TBC1D5: variants seen among roughly 807,000 people sequenced by gnomAD.
TBC1D5 encodes the protein TBC1 domain family member 5.
A neutral mutation model predicts 100.3 loss-of-function variants in TBC1D5; 75 were observed. The ratio of observed to expected loss-of-function variants is 0.75; its 90% confidence interval spans 0.62 to 0.91. The LOEUF is 0.91. Among genes scored for constraint, TBC1D5 ranks in the 40% least tolerant of loss-of-function variants. The probability of loss-of-function intolerance (pLI) is 0.00; values close to 1 mark genes in which losing one functional copy is unlikely to be tolerated. For missense variants in TBC1D5, 910 were observed against 942.4 expected (o/e 0.97, Z 0.45); for synonymous variants, 323 against 325.6 (o/e 0.99, Z 0.09).
chr3:17,329,503 AT>A (rs2086616845), intron 13 of TBC1D5, among the ~76,000 whole-genome samples: 3 of 150,300 alleles, frequency 2.0e-5, no homozygotes, highest in Admixed American at 1.3e-4. Context: ...ACACAAAAAA[AT>A]AAAATAATAC....
At chr3:17,654,345 A>T (rs1043054540) in intron 1 of TBC1D5, among the ~76,000 whole-genome samples, 1 of 152,156 alleles carries the variant, frequency 6.6e-6, no homozygotes, top group East Asian at 1.9e-4. Flanking sequence ...AAAAATTTTG[A>T]TATGTAATTA....
chr3:17,457,733 C>CT (rs1450540329), intron 3 of TBC1D5, among the ~76,000 whole-genome samples: 1 of 151,288 alleles, frequency 6.6e-6, no homozygotes, highest in Non-Finnish European at 1.5e-5. Flanking sequence ...ATGCTTTTAA[C>CT]TTTTTGTTTA....
chr3:17,270,620 T>C (rs2079308237), intron 15 of TBC1D5, among the ~76,000 whole-genome samples: 1 of 152,198 alleles, frequency 6.6e-6, no homozygotes, highest in African/African-American at 2.4e-5. Flanking sequence ...AGCCCTTTAG[T>C]TTAATGAGTT....
At chr3:17,623,055 T>G (rs1305763309) in intron 2 of TBC1D5, among the ~76,000 whole-genome samples, 1 of 152,154 alleles carries the variant, frequency 6.6e-6, no homozygotes, top group Non-Finnish European at 1.5e-5. Context: ...CTCTCCCAAT[T>G]CTTGAACTAC....
chr3:17,699,778 G>C (rs540836119), intron 1 of TBC1D5, among the ~76,000 whole-genome samples: 41 of 147,972 alleles, frequency 2.8e-4, no homozygotes, highest in African/African-American at 9.2e-4. Flanking sequence ...AATTACCACA[G>C]AGTATTGTGG....
At chr3:17,732,283 A>G (rs1187776836) in intron 1 of TBC1D5, among the ~76,000 whole-genome samples, 2 of 151,918 alleles carry the variant, frequency 1.3e-5, no homozygotes, top group Non-Finnish European at 2.9e-5. Context: ...ACACCACTGC[A>G]CTCCAGCCTG....
intron 15 of TBC1D5, among the ~76,000 whole-genome samples, chr3:17,272,593 T>C (rs1383917307): frequency 6.6e-6 from 1 of 152,186 alleles, no homozygotes. Flanking sequence ...TACCATTTTA[T>C]AGGTAAAGAA....
intron 8 of TBC1D5, among the ~76,000 whole-genome samples, chr3:17,398,707 C>G (rs1320106304): frequency 3.3e-5 from 5 of 151,648 alleles, no homozygotes; most frequent in African/African-American, 1.2e-4. Flanking sequence ...CTTGTACATA[C>G]TGCTTCTCTT....
intron 2 of TBC1D5, among the ~76,000 whole-genome samples, chr3:17,555,258 T>G (rs1249926607): frequency 6.6e-6 from 1 of 152,208 alleles, no homozygotes; most frequent in Non-Finnish European, 1.5e-5. Flanking sequence ...TTGCCAAAGT[T>G]AAGGAATACG....
intron 4 of TBC1D5, among the ~76,000 whole-genome samples, chr3:17,412,557 A>T (rs998927971): frequency 3.3e-5 from 5 of 152,146 alleles, no homozygotes; most frequent in African/African-American, 1.2e-4. Context: ...TCAGTGGTGA[A>T]ATATTTCAGT....
exon 22 of TBC1D5, chr3:17,157,335 TG>T (rs1244291968): frequency 6.6e-6 from 1 of 152,394 alleles, no homozygotes; most frequent in South Asian, 2.1e-4. Flanking sequence ...ATTGTGCCAC[TG>T]TGAGAAAAAC....
At chr3:17,269,701 T>C (rs763611285) in intron 15 of TBC1D5, among the ~76,000 whole-genome samples, 12 of 147,902 alleles carry the variant, frequency 8.1e-5, no homozygotes, top group African/African-American at 1.2e-4. Flanking sequence ...TTTAGGTCAG[T>C]TGAACCCAAG....
At chr3:17,568,064 T>C (rs2096604263) in intron 2 of TBC1D5, among the ~76,000 whole-genome samples, 1 of 151,632 alleles carries the variant, frequency 6.6e-6, no homozygotes, top group Admixed American at 6.6e-5. Context: ...AATAATGTTC[T>C]AGCAAGCATT....
chr3:17,279,098 A>G (rs1157849458), intron 15 of TBC1D5, among the ~76,000 whole-genome samples: 1 of 152,232 alleles, frequency 6.6e-6, no homozygotes, highest in South Asian at 2.1e-4. Context: ...TGTTTTCAAA[A>G]TATTTTGCAT....
At chr3:17,448,798 G>T (rs1000105896) in intron 3 of TBC1D5, among the ~76,000 whole-genome samples, 10 of 152,072 alleles carry the variant, frequency 6.6e-5, no homozygotes, top group Non-Finnish European at 1.2e-4. Context: ...AACTCTTAAG[G>T]GCCCTAGGAT....
intron 13 of TBC1D5, among the ~76,000 whole-genome samples, chr3:17,326,237 A>G (rs1193871205): frequency 2.0e-5 from 3 of 152,222 alleles, no homozygotes; most frequent in Admixed American, 2.0e-4. Flanking sequence ...ACTGTGTTCC[A>G]TCCAGAATAG....
intron 3 of TBC1D5, among the ~76,000 whole-genome samples, chr3:17,461,897 G>A (rs1278466073): frequency 1.3e-5 from 2 of 151,870 alleles, no homozygotes; most frequent in African/African-American, 4.8e-5. Flanking sequence ...GTCTTTTACT[G>A]CTTCTAAGAG....
chr3:17,531,319 T>C lies in TBC1D5; in HGVS notation c.-35-22714A>G, dbSNP rs185223802. Among the ~76,000 whole-genome samples, 97 of 152,164 alleles carry C rather than the reference T, an allele frequency of 6.4e-4. 1 individual carries two copies. Among genetic ancestry groups the C allele is most frequent in the African/African-American group, 2.3e-3 (94 of 41,498 alleles). On this transcript the variant is annotated intron_variant, in intron 2 of 21. Coordinates refer to ENST00000253692, the Ensembl canonical transcript of TBC1D5. ...TTCAAGGAGAACTACAAACCACTGC[T>C]CAAGGAAATAAAAAAGGATACAAAC...
At chr3:17,265,818 C>T (rs1240628361) in intron 15 of TBC1D5, among the ~76,000 whole-genome samples, 2 of 151,708 alleles carry the variant, frequency 1.3e-5, no homozygotes. Flanking sequence ...ATAATTATCT[C>T]GTTAGTGCCA....
Sources: allele counts gnomAD v4.1 joint callset (sites outside exome capture counted in the v4.1 genomes callset), GRCh38; gene constraint gnomAD v4.1.1; transcripts MANE v1.5; gene names NCBI Gene and HGNC (gene_info 2026-07-23, HGNC 2026-07-21).